Variants in ATP8A2 observed in about 807,000 individuals in gnomAD.
The protein encoded by ATP8A2 is ATPase phospholipid transporting 8A2, also known as phospholipid-transporting ATPase IB.
Under a neutral mutation model 165.6 loss-of-function variants are expected in ATP8A2, and 100 were observed. The observed-to-expected ratio is 0.60, with a 90% CI of 0.51 to 0.71. ATP8A2 has a LOEUF of 0.71. Ranked by LOEUF, ATP8A2 falls within the 30% of genes least tolerant of loss-of-function variation. ATP8A2 has a pLI of 0.00. For synonymous variants in ATP8A2, 543 were observed against 548.8 expected (o/e 0.99, Z 0.15); for missense variants, 1,227 against 1,479.5 (o/e 0.83, Z 2.80).
intron 27 of ATP8A2, among the ~76,000 whole-genome samples, chr13:25,787,142 C>T (rs1285021008): frequency 4.6e-5 from 7 of 152,208 alleles, no homozygotes; most frequent in African/African-American, 1.4e-4. Context: ...AGTGGGCTTG[C>T]TTCCTACTAC....
chr13:25,581,711 A>G, intron 22 of ATP8A2, 108 bp from the exon 23 acceptor site: 2 of 1,080,746 alleles, frequency 1.9e-6, no homozygotes, highest in South Asian at 1.3e-5. Flanking sequence ...AATAGAGGAA[A>G]TAGAACAACT....
chr13:25,901,216 G>A (rs1047575535), intron 33 of ATP8A2, among the ~76,000 whole-genome samples: 2 of 152,180 alleles, frequency 1.3e-5, no homozygotes, highest in Non-Finnish European at 2.9e-5. Flanking sequence ...GCATTGTACT[G>A]GAAGGGGCCG....
At chr13:25,969,658 A>G (rs1303407024) in intron 35 of ATP8A2, among the ~76,000 whole-genome samples, 1 of 152,250 alleles carries the variant, frequency 6.6e-6, no homozygotes, top group Non-Finnish European at 1.5e-5. Flanking sequence ...TACAATTTCA[A>G]ACAGATTTTA....
At chr13:25,742,550 AT>A (rs919818096) in intron 25 of ATP8A2, among the ~76,000 whole-genome samples, 1 of 151,620 alleles carries the variant, frequency 6.6e-6, no homozygotes, top group Non-Finnish European at 1.5e-5. Context: ...TGTCTCAGTT[AT>A]TGTCATTGTT....
chr13:25,510,531 G>T (rs918128069), intron 2 of ATP8A2, among the ~76,000 whole-genome samples: 1 of 152,206 alleles, frequency 6.6e-6, no homozygotes, highest in African/African-American at 2.4e-5. Flanking sequence ...AAGCCAGCCT[G>T]CTCATCTCAA....
At chr13:25,700,689 C>T (rs1437259719) in intron 25 of ATP8A2, among the ~76,000 whole-genome samples, 4 of 152,110 alleles carry the variant, frequency 2.6e-5, no homozygotes, top group Non-Finnish European at 4.4e-5. Context: ...TCTGTTTGGA[C>T]GTAGGTTTTC....
intron 27 of ATP8A2, among the ~76,000 whole-genome samples, chr13:25,820,857 G>C (rs1480406577): frequency 2.0e-5 from 3 of 152,020 alleles, no homozygotes; most frequent in African/African-American, 7.2e-5. Flanking sequence ...AATCAAATTT[G>C]AGCGTTTCAA....
intron 24 of ATP8A2, among the ~76,000 whole-genome samples, chr13:25,608,900 T>C (rs770061913): frequency 6.6e-6 from 1 of 152,134 alleles, no homozygotes; most frequent in Non-Finnish European, 1.5e-5. Flanking sequence ...AAATCTTATA[T>C]TCTTGGAAAA....
intron 1 of ATP8A2, among the ~76,000 whole-genome samples, chr13:25,398,805 G>A (rs2033520009): frequency 6.6e-6 from 1 of 152,126 alleles, no homozygotes; most frequent in Non-Finnish European, 1.5e-5. Flanking sequence ...GCAGGAAAGA[G>A]AAGAGCATCC....
chr13:25,993,402 C>T (rs1956433644), intron 35 of ATP8A2, among the ~76,000 whole-genome samples: 1 of 152,042 alleles, frequency 6.6e-6, no homozygotes, highest in Non-Finnish European at 1.5e-5. Flanking sequence ...CTGGCCAGGG[C>T]AATTAGGCAG....
At chr13:25,897,237 A>G (rs2079053750) in intron 33 of ATP8A2, among the ~76,000 whole-genome samples, 1 of 152,194 alleles carries the variant, frequency 6.6e-6, no homozygotes, top group African/African-American at 2.4e-5. Flanking sequence ...TGGTGTGACA[A>G]AATCTCTCAG....
chr13:25,796,481 C>T (rs1239238983), intron 27 of ATP8A2, among the ~76,000 whole-genome samples: 2 of 152,168 alleles, frequency 1.3e-5, no homozygotes, highest in Non-Finnish European at 2.9e-5. Flanking sequence ...GAGTGGGACA[C>T]ACATGAAACC....
intron 35 of ATP8A2, among the ~76,000 whole-genome samples, chr13:25,994,865 T>G (rs1279757819): frequency 6.6e-6 from 1 of 152,112 alleles, no homozygotes; most frequent in Non-Finnish European, 1.5e-5. Context: ...TGGACTGGTA[T>G]AGTATAATAG....
At chr13:25,504,068 C>T (rs2036944543) in intron 2 of ATP8A2, among the ~76,000 whole-genome samples, 1 of 152,180 alleles carries the variant, frequency 6.6e-6, no homozygotes, top group African/African-American at 2.4e-5. Flanking sequence ...CACTGGAGAG[C>T]ATGTTGGAAG....
chr13:25,512,508 G>A (rs945014906), intron 2 of ATP8A2, among the ~76,000 whole-genome samples: 1 of 151,334 alleles, frequency 6.6e-6, no homozygotes, highest in East Asian at 2.0e-4. Flanking sequence ...CTGGGCGGGG[G>A]GCTGACCTCC....
Position 25,957,851 on chromosome 13 carries a change from A to T in ATP8A2, c.3184-3724A>T, listed in dbSNP as rs547636596. ...TGCAGCACTCTTCACAATAGCAAAG[A>T]CTTGGAACCAACCCAAATGCCCATC... On this transcript the variant is annotated intron_variant, in intron 33 of 36. Transcript: ENST00000381655. 2.6e-5 allele frequency among the ~76,000 whole-genome samples: 4 copies of T among 152,326 alleles called. No homozygotes were observed. The South Asian group carries it at 6.2e-4, about 24-fold the overall frequency.
intron 22 of ATP8A2, among the ~76,000 whole-genome samples, 153 bp from the exon 23 acceptor site, chr13:25,581,666 A>G (rs1458702840): frequency 6.6e-6 from 1 of 152,240 alleles, no homozygotes; most frequent in Non-Finnish European, 1.5e-5. Context: ...TGGAAATGCC[A>G]TCCATCCAGA....
At chr13:25,858,350 C>T (rs1387907791) in intron 30 of ATP8A2, among the ~76,000 whole-genome samples, 1 of 152,166 alleles carries the variant, frequency 6.6e-6, no homozygotes, top group African/African-American at 2.4e-5. Flanking sequence ...CTGTCCTTGT[C>T]CCCTCTCCCC....
At position 25,622,875 on chromosome 13, in the gene ATP8A2, T is replaced by C. The variant is rs188067268; in HGVS notation, c.2211+33176T>C. ...AGGGATACTCAACATGTAGTACTTA[T>C]TGTAGGGTTATTTCAGATGTGCTGT... On this transcript the variant is annotated intron_variant, in intron 24 of 36. Coordinates refer to ENST00000381655, the MANE Select transcript of ATP8A2 (RefSeq NM_016529.6). Among the ~76,000 whole-genome samples, 31 of 152,322 alleles carry C rather than the reference T, an allele frequency of 2.0e-4. No homozygotes were observed. The East Asian group carries it at 6.0e-3, about 29-fold the overall frequency.
Sources: allele counts gnomAD v4.1 joint callset (sites outside exome capture counted in the v4.1 genomes callset), GRCh38; gene constraint gnomAD v4.1.1; transcripts MANE v1.5; gene names NCBI Gene and HGNC (gene_info 2026-07-23, HGNC 2026-07-21).